Variants in CFHR5 observed in about 807,000 individuals in gnomAD.
CFHR5 encodes complement factor H related 5.
A neutral mutation model predicts 62.9 loss-of-function variants in CFHR5; 73 were observed. That is an observed-to-expected ratio of 1.16 (90% CI 0.96 to 1.41). The LOEUF is 1.41. Among genes scored for constraint, CFHR5 ranks in the 40% most tolerant of loss-of-function variants. The pLI is 0.00. For synonymous variants in CFHR5, 249 were observed against 227.2 expected (o/e 1.10, Z -0.86); for missense variants, 779 against 679.9 (o/e 1.15, Z -1.62).
At chr1:196,985,709 A>C (rs1653667758) in intron 3 of CFHR5, among the ~76,000 whole-genome samples, 1 of 152,198 alleles carries the variant, frequency 6.6e-6, no homozygotes, top group Admixed American at 6.5e-5. Context: ...AAGTTTGGCC[A>C]GCGTAACCCA....
intron 3 of CFHR5, among the ~76,000 whole-genome samples, chr1:196,988,186 A>G (rs1046841087): frequency 6.6e-6 from 1 of 152,144 alleles, no homozygotes; most frequent in African/African-American, 2.4e-5. Context: ...TTATTGGTGT[A>G]TAGGAATGCT....
In CFHR5 at chr1:196,984,108, G is replaced by T; in HGVS notation, c.401G>T (p.Trp134Leu). ...AACATTTCGTGTGTAGAACGGGGCTGGTCCACTCCTCCCATATGCAGCTTC... is the reference window on the plus strand; with the variant it reads ...AACATTTCGTGTGTAGAACGGGGCTTGTCCACTCCTCCCATATGCAGCTTC... ...EKNISCVERGWSTPPICSFTK... is the reference protein window; with the variant it reads ...EKNISCVERGLSTPPICSFTK... Residue 134 changes from tryptophan to leucine, a missense_variant, in exon 3 of 10, where the codon TGG (tryptophan) becomes TTG (leucine). By Grantham distance (61) the Trp-to-Leu change is moderately conservative (BLOSUM62 -2). Coordinates refer to ENST00000256785, the MANE Select transcript of CFHR5 (RefSeq NM_030787.4). 6.2e-7 allele frequency: 1 copy of T among 1,613,526 alleles called. No homozygotes were observed. The highest frequency in any genetic ancestry group is 2.2e-5 in the East Asian group (1 of 44,816).
intron 6 of CFHR5, 136 bp downstream of exon 6, chr1:196,996,337 A>G (rs1205690929): frequency 1.2e-5 from 9 of 731,372 alleles, no homozygotes; most frequent in Non-Finnish European, 2.2e-5. Context: ...ATGTCAATCC[A>G]TTTATTCAGG....
chr1:196,989,815 G>A (rs775596644), intron 3 of CFHR5, among the ~76,000 whole-genome samples: 5 of 152,158 alleles, frequency 3.3e-5, no homozygotes, highest in African/African-American at 1.2e-4. Flanking sequence ...TGGGATAAGT[G>A]CTATGTGATG....
chr1:196,988,277 G>A (rs1003671844), intron 3 of CFHR5, among the ~76,000 whole-genome samples: 4 of 152,024 alleles, frequency 2.6e-5, no homozygotes, highest in Admixed American at 6.6e-5. Context: ...GGGCTGAGAC[G>A]ATGGGGTTTT....
At chr1:196,984,961 T>C (rs762493288) in intron 3 of CFHR5, among the ~76,000 whole-genome samples, 18 of 152,196 alleles carry the variant, frequency 1.2e-4, no homozygotes, top group Middle Eastern at 3.2e-3. Flanking sequence ...TGGGCTTTCA[T>C]TGACTTTGCT....
Position 196,996,135 on chromosome 1 carries a change from G to T in CFHR5, c.904G>T (p.Ala302Ser). 1 of 1,613,226 alleles carries T rather than the reference G, an allele frequency of 6.2e-7. No individual in the cohort carries two copies. Among genetic ancestry groups the T allele is most frequent in the Non-Finnish European group, 8.5e-7 (1 of 1,179,288 alleles). Residue 302 changes from alanine (A) to serine (S), a missense_variant, in exon 6 of 10, where the codon GCA becomes TCA. Ala to Ser is a moderately conservative substitution (Grantham distance 99). Coordinates refer to ENST00000256785, the MANE Select transcript of CFHR5 (RefSeq NM_030787.4). ...SVEVNCRNEY[A>S]MIGNNMITCI... ...CGAGGTGAATTGCAGAAATGAATAT[G>T]CAATGATTGGAAATAACATGATTAC...
At chr1:197,005,742 A>G (rs913061457) in intron 9 of CFHR5, among the ~76,000 whole-genome samples, 3 of 152,086 alleles carry the variant, frequency 2.0e-5, no homozygotes, top group Admixed American at 1.3e-4. Flanking sequence ...CTGTTGCCCA[A>G]TACCTCACAG....
rs778137947 is a variant in CFHR5 at position 196,994,240 on chromosome 1, C to A, written c.591C>A (p.Asn197Lys). Residue 197 changes from asparagine to lysine, a missense_variant, in exon 4 of 10, where the codon AAC becomes AAA. Physicochemically the swap from Asn to Lys is moderately conservative, Grantham distance 94. Transcript: ENST00000256785. ...VQCYQFGWSP[N>K]FPTCKGQVRS... Reference sequence around the variant, plus strand: ...GTTACCAATTTGGGTGGTCACCTAACTTTCCAACATGCAAAGGTCAGTATT... The same window carrying A: ...GTTACCAATTTGGGTGGTCACCTAAATTTCCAACATGCAAAGGTCAGTATT... The A allele has an allele frequency of 5.6e-6, 9 of 1,612,656 alleles. No homozygotes were observed. In the East Asian group the frequency reaches 6.7e-5, roughly 12 times the overall value.
At chr1:196,981,963 A>C (rs1653554642) in intron 1 of CFHR5, among the ~76,000 whole-genome samples, 1 of 151,952 alleles carries the variant, frequency 6.6e-6, no homozygotes, top group African/African-American at 2.4e-5. Context: ...AGCATTTACC[A>C]GAATTTAGCT....
Position 196,984,061 on chromosome 1 carries a change from C to A in CFHR5, c.354C>A (p.Tyr118Ter). 1 of 1,613,524 alleles carries A rather than the reference C, an allele frequency of 6.2e-7. No homozygotes were observed. Among genetic ancestry groups the A allele is most frequent in the Non-Finnish European group, 8.5e-7 (1 of 1,179,610 alleles). Residue 118 changes from tyrosine (Y) to a stop codon, truncating the protein, a stop_gained, in exon 3 of 10, where the codon TAC (tyrosine) becomes TAA (stop). Transcript: ENST00000256785. LOFTEE classifies it high-confidence loss of function. ...TACAAATTATTTGCAACACAGGATA[C>A]AGCCTTCAAAACAATGAGAAAAACA... ...DTVQIICNTG[Y>*]SLQNNEKNIS...
At position 196,979,670 on chromosome 1, in the gene CFHR5, A is replaced by G. The variant is rs1346271683; in HGVS notation, c.58+1948A>G. The stretch of plus-strand genomic sequence containing the variant: ...TGCAAATATGAAGGCTTAGCACATT[A>G]CCATACACTACTGTAAACTTCATGA... On this transcript the variant is annotated intron_variant, in intron 1 of 9. Coordinates refer to ENST00000256785, the MANE Select transcript of CFHR5 (RefSeq NM_030787.4). Among the ~76,000 whole-genome samples the G allele has an allele frequency of 2.6e-5, 4 of 152,108 alleles. No homozygotes were observed. The East Asian group carries it at 7.7e-4, about 29-fold the overall frequency.
intron 3 of CFHR5, among the ~76,000 whole-genome samples, chr1:196,984,921 C>G (rs1183877884): frequency 2.0e-5 from 3 of 152,186 alleles, no homozygotes; most frequent in African/African-American, 7.2e-5. Flanking sequence ...CCTCCTTGCA[C>G]AGTCTAGAAA....
At chr1:196,999,738 T>TAG (rs1654091443) in intron 7 of CFHR5, among the ~76,000 whole-genome samples, 1 of 78,414 alleles carries the variant, frequency 1.3e-5, no homozygotes, top group Admixed American at 1.5e-4. Context: ...CACACACATA[T>TAG]ATATACACAC....
At position 196,984,028 on chromosome 1, in the gene CFHR5, T is replaced by G. The variant is rs1653614526; in HGVS notation, c.321T>G (p.Gly107=). 6.2e-7 allele frequency: 1 copy of G among 1,612,756 alleles called. No homozygotes were observed. The highest frequency in any genetic ancestry group is 1.7e-5 in the Admixed American group (1 of 59,992). ...CTTCAGGACTAATACATCTGGAAGG[T>G]GATACTGTACAAATTATTTGCAACA... ...SESSGLIHLE[G]DTVQIICNTG... The change falls in exon 3 of 10, where the codon GGT becomes GGG. Residue 107 remains glycine, a synonymous_variant. Transcript: ENST00000256785.
chr1:196,977,797 A>ACACACACAATC, intron 1 of CFHR5, 75 bp downstream of exon 1: 2 of 1,001,168 alleles, frequency 2.0e-6, no homozygotes, highest in Non-Finnish European at 3.2e-6. Flanking sequence ...GTATGCATAC[A>ACACACACAATC]AATATTTTTA....
Position 196,985,396 on chromosome 1 carries a change from G to A in CFHR5, c.430+1259G>A, listed in dbSNP as rs74916150. On this transcript the variant is annotated intron_variant, in intron 3 of 9. Transcript: ENST00000256785. ...TGAAATTTAAACCTCTAGAAATGGA[G>A]TCTTTTTAAAACAGCTGGAACTGCG... Among the ~76,000 whole-genome samples, 187 of 151,884 alleles carry A rather than the reference G, an allele frequency of 1.2e-3. 5 individuals are homozygous for A. The East Asian group carries it at 0.033, about 27-fold the overall frequency.
In CFHR5 at chr1:196,996,005, T is replaced by G; in HGVS notation, c.791-17T>G. ...AATATTTTCAGAGTAAGCACTCATT[T>G]TATTACATTTTCTTAGAACAAGTGA... On this transcript the variant is annotated splice_polypyrimidine_tract_variant and intron_variant, in intron 5 of 9. Transcript: ENST00000256785. 1 of 1,612,586 alleles carries G rather than the reference T, an allele frequency of 6.2e-7. No individual in the cohort carries two copies. Among genetic ancestry groups the G allele is most frequent in the African/African-American group, 1.3e-5 (1 of 74,990 alleles).
chr1:196,977,052 C>A (rs534737761), upstream of CFHR5, among the ~76,000 whole-genome samples: 1 of 151,948 alleles, frequency 6.6e-6, no homozygotes, highest in Non-Finnish European at 1.5e-5. Flanking sequence ...TGTGATCCAC[C>A]CGCCTCGGCC....
Sources: allele counts gnomAD v4.1 joint callset (sites outside exome capture counted in the v4.1 genomes callset), GRCh38; gene constraint gnomAD v4.1.1; transcripts MANE v1.5; gene names NCBI Gene and HGNC (gene_info 2026-07-23, HGNC 2026-07-21).